The following NEDD4L variants were observed in gnomAD, a reference collection of about 807,000 sequenced individuals.
NEDD4L encodes NEDD4 like E3 ubiquitin protein ligase, also known as E3 ubiquitin-protein ligase NEDD4-like.
NEDD4L carries 54 observed loss-of-function variants against 148.9 expected under a neutral mutation model. The observed-to-expected ratio is 0.36, with a 90% CI of 0.29 to 0.45. The LOEUF (loss-of-function observed/expected upper bound fraction) is 0.45. Ranked by LOEUF, NEDD4L falls within the 20% of genes least tolerant of loss-of-function variation. The pLI, the probability that NEDD4L is intolerant of heterozygous loss-of-function variation, is 1.00. For synonymous variants in NEDD4L, 433 were observed against 440.7 expected (o/e 0.98, Z 0.22); for missense variants, 856 against 1,233.8 (o/e 0.69, Z 4.59).
chr18:58,159,374 A>T (rs2035914687), intron 1 of NEDD4L, among the ~76,000 whole-genome samples: 1 of 152,142 alleles, frequency 6.6e-6, no homozygotes, highest in Non-Finnish European at 1.5e-5. Context: ...ACCAAGAGTG[A>T]GCCCTAAGGT....
Position 58,053,106 on chromosome 18 carries a change from CTTTG to C in NEDD4L, c.48+8407_48+8410del, listed in dbSNP as rs541560634. Among the ~76,000 whole-genome samples the C allele has an allele frequency of 2.6e-3, 402 of 152,298 alleles. 1 individual carries two copies. The highest frequency in any genetic ancestry group is 8.8e-3 in the African/African-American group (364 of 41,556). On this transcript the variant is annotated intron_variant, in intron 1 of 30. Coordinates refer to ENST00000400345, the MANE Select transcript of NEDD4L (RefSeq NM_001144967.3). Reference sequence around the variant, plus strand: ...TTGGGTGATGTCCCATCACCTGTCACTTTGTTTGTTTGGGCTGCAGTGGACCAAT... The same window carrying C: ...TTGGGTGATGTCCCATCACCTGTCACTTTGTTTGGGCTGCAGTGGACCAAT...
chr18:58,125,326 C>T (rs1254558556), intron 1 of NEDD4L, among the ~76,000 whole-genome samples: 1 of 151,692 alleles, frequency 6.6e-6, no homozygotes, highest in African/African-American at 2.4e-5. Flanking sequence ...GGGCTCTTAA[C>T]TGTAACACTG....
chr18:58,065,753 G>A (rs1048682921), intron 1 of NEDD4L, among the ~76,000 whole-genome samples: 4 of 152,184 alleles, frequency 2.6e-5, no homozygotes, highest in Admixed American at 2.6e-4. Flanking sequence ...TGGCCTTAAC[G>A]AAGTTGAACA....
intron 24 of NEDD4L, among the ~76,000 whole-genome samples, chr18:58,374,692 C>A (rs8093026): frequency 4.6e-5 from 7 of 151,544 alleles, no homozygotes; most frequent in Non-Finnish European, 7.4e-5. Context: ...CTCACTCCCC[C>A]CAGAGACACC....
intron 1 of NEDD4L, among the ~76,000 whole-genome samples, chr18:58,110,525 T>A (rs2085354408): frequency 6.6e-6 from 1 of 152,170 alleles, no homozygotes; most frequent in Non-Finnish European, 1.5e-5. Context: ...AGGGTGAGAC[T>A]CTCTGGCCCT....
At chr18:58,048,066 C>T (rs1380194651) in intron 1 of NEDD4L, among the ~76,000 whole-genome samples, 1 of 152,200 alleles carries the variant, frequency 6.6e-6, no homozygotes, top group South Asian at 2.1e-4. Flanking sequence ...GGCACCTTCT[C>T]TCCTTATCCT....
intron 2 of NEDD4L, among the ~76,000 whole-genome samples, chr18:58,206,543 C>T (rs960332819): frequency 6.6e-6 from 1 of 152,180 alleles, no homozygotes; most frequent in African/African-American, 2.4e-5. Context: ...TCTGAACCTC[C>T]CCTCCTCAGG....
At chr18:58,250,828 C>T (rs1055647030) in intron 4 of NEDD4L, among the ~76,000 whole-genome samples, 3 of 152,066 alleles carry the variant, frequency 2.0e-5, no homozygotes, top group East Asian at 1.9e-4. Context: ...GATTTGCATG[C>T]GATGATGTAA....
intron 1 of NEDD4L, among the ~76,000 whole-genome samples, chr18:58,083,950 T>TG (rs1190098060): frequency 6.6e-6 from 1 of 152,216 alleles, no homozygotes; most frequent in Non-Finnish European, 1.5e-5. Flanking sequence ...GGCCTGGTCT[T>TG]GAACTCCTGA....
intron 2 of NEDD4L, among the ~76,000 whole-genome samples, chr18:58,187,563 T>A (rs1159850049): frequency 6.6e-6 from 1 of 152,238 alleles, no homozygotes; most frequent in Non-Finnish European, 1.5e-5. Flanking sequence ...TAATATTTTC[T>A]GTAGTAGATG....
intron 2 of NEDD4L, among the ~76,000 whole-genome samples, chr18:58,199,293 G>A (rs1456535921): frequency 6.6e-6 from 1 of 152,144 alleles, no homozygotes; most frequent in African/African-American, 2.4e-5. Flanking sequence ...ACCAGTGGCA[G>A]TTTTGCCTTC....
intron 1 of NEDD4L, among the ~76,000 whole-genome samples, chr18:58,152,347 A>G (rs900062801): frequency 9.9e-5 from 15 of 152,132 alleles, no homozygotes; most frequent in African/African-American, 3.6e-4. Context: ...GAGAGAGTCA[A>G]ATATTCAGAG....
At chr18:58,257,957 G>A (rs758795538) in intron 5 of NEDD4L, among the ~76,000 whole-genome samples, 1 of 152,206 alleles carries the variant, frequency 6.6e-6, no homozygotes, top group East Asian at 1.9e-4. Flanking sequence ...AAAAGTGAGC[G>A]TCTGAGTATT....
chr18:58,119,961 C>T (rs1385125940), intron 1 of NEDD4L, among the ~76,000 whole-genome samples: 1 of 152,202 alleles, frequency 6.6e-6, no homozygotes, highest in Non-Finnish European at 1.5e-5. Flanking sequence ...CCCTCTGCAG[C>T]AGATTGGCAC....
At chr18:58,078,018 T>A (rs1370995870) in intron 1 of NEDD4L, among the ~76,000 whole-genome samples, 1 of 18,134 alleles carries the variant, frequency 5.5e-5, no homozygotes, top group Non-Finnish European at 1.5e-4. Flanking sequence ...GAAACGTATT[T>A]TTTTTTTTTT....
At chr18:58,275,355 A>C (rs946268081) in intron 5 of NEDD4L, among the ~76,000 whole-genome samples, 2 of 152,114 alleles carry the variant, frequency 1.3e-5, no homozygotes, top group South Asian at 4.1e-4. Flanking sequence ...GAGGTAGAAA[A>C]TCCTTGTATA....
intron 5 of NEDD4L, among the ~76,000 whole-genome samples, chr18:58,304,673 T>C (rs935307595): frequency 1.3e-5 from 2 of 152,212 alleles, no homozygotes; most frequent in African/African-American, 4.8e-5. Context: ...TAGATAGACA[T>C]GGGATTTTAA....
At chr18:58,285,657 A>G (rs1038023393) in intron 5 of NEDD4L, among the ~76,000 whole-genome samples, 1 of 152,238 alleles carries the variant, frequency 6.6e-6, no homozygotes, top group African/African-American at 2.4e-5. Context: ...ACCTAAAAGC[A>G]AGAGGAGGCT....
chr18:58,219,729 C>T (rs1194900342), intron 2 of NEDD4L, among the ~76,000 whole-genome samples: 2 of 152,152 alleles, frequency 1.3e-5, no homozygotes, highest in Non-Finnish European at 1.5e-5. Context: ...TCTTTAAATA[C>T]CCTCTCTCTA....
Sources: gnomAD v4.1 joint callset for allele counts (sites outside exome capture counted in the v4.1 genomes callset) on GRCh38, gnomAD v4.1.1 for gene constraint, MANE v1.5 for transcripts, NCBI Gene and HGNC (gene_info 2026-07-23, HGNC 2026-07-21) for gene names.